SEMA3A: variants seen among roughly 807,000 people sequenced by gnomAD.
The protein encoded by SEMA3A is semaphorin-3A.
SEMA3A carries 29 observed loss-of-function variants against 97.9 expected under a neutral mutation model. The observed-to-expected ratio is 0.30, with a 90% CI of 0.22 to 0.40. The LOEUF is 0.40. Ranked by LOEUF, SEMA3A falls within the 10% of genes least tolerant of loss-of-function variation. The pLI is 1.00. For missense variants in SEMA3A, 763 were observed against 951.3 expected (o/e 0.80, Z 2.60); for synonymous variants, 321 against 323.7 (o/e 0.99, Z 0.09).
At chr7:84,060,739 C>A (rs931309552) in intron 4 of SEMA3A, among the ~76,000 whole-genome samples, 181 bp from the exon 5 acceptor site, 5 of 152,090 alleles carry the variant, frequency 3.3e-5, no homozygotes, top group Admixed American at 3.3e-4. Context: ...GTAATACTAG[C>A]CAAATATCTA....
At chr7:84,055,284 C>T (rs1319539578) in intron 5 of SEMA3A, among the ~76,000 whole-genome samples, 1 of 152,184 alleles carries the variant, frequency 6.6e-6, no homozygotes, top group East Asian at 1.9e-4. Context: ...TGGGCAATGG[C>T]GGGCGCCCCT....
intron 6 of SEMA3A, among the ~76,000 whole-genome samples, chr7:84,027,836 T>C (rs200447187): frequency 7.2e-6 from 1 of 138,096 alleles, no homozygotes; most frequent in Non-Finnish European, 1.7e-5. Flanking sequence ...ATAAAGATAA[T>C]AGAGCTGATA....
chr7:84,463,555 G>A (rs995251361), intron 1 of SEMA3A, among the ~76,000 whole-genome samples: 13 of 151,766 alleles, frequency 8.6e-5, no homozygotes, highest in African/African-American at 3.1e-4. Flanking sequence ...GCGTTTTTTT[G>A]TAACTATTTA....
At chr7:84,330,709 T>C (rs1031052954) in intron 2 of SEMA3A, among the ~76,000 whole-genome samples, 1 of 152,114 alleles carries the variant, frequency 6.6e-6, no homozygotes, top group Non-Finnish European at 1.5e-5. Flanking sequence ...TTTTTTTGCA[T>C]GCTTACATGA....
chr7:83,980,604 A>AAAAAAAAAAAAAAAC (rs1491210034), intron 14 of SEMA3A, among the ~76,000 whole-genome samples: 5 of 35,858 alleles, frequency 1.4e-4, no homozygotes, highest in Admixed American at 7.3e-4. Flanking sequence ...ACTCCATCTC[A>AAAAAAAAAAAAAAAC]AAAAAAAAAA....
At chr7:83,979,962 G>GA (rs1424532485) in intron 14 of SEMA3A, among the ~76,000 whole-genome samples, 1 of 151,778 alleles carries the variant, frequency 6.6e-6, no homozygotes, top group African/African-American at 2.4e-5. Context: ...TAGCTTCTTT[G>GA]AAAAAAATAG....
intron 1 of SEMA3A, among the ~76,000 whole-genome samples, chr7:84,393,805 A>T (rs1803653898): frequency 1.3e-5 from 2 of 152,106 alleles, no homozygotes; most frequent in African/African-American, 4.8e-5. Context: ...ATGAAAAATG[A>T]GTAAGGTTGT....
chr7:84,018,378 TAA>T (rs1176674779), intron 6 of SEMA3A, among the ~76,000 whole-genome samples: 1 of 152,210 alleles, frequency 6.6e-6, no homozygotes, highest in Non-Finnish European at 1.5e-5. Context: ...ATTTATAAAA[TAA>T]GTGTTAAGCA....
intron 1 of SEMA3A, among the ~76,000 whole-genome samples, chr7:84,474,067 CTCTT>C (rs1356350746): frequency 6.6e-6 from 1 of 152,142 alleles, no homozygotes; most frequent in Admixed American, 6.6e-5. Context: ...AGAATCCTAA[CTCTT>C]TCAATTTTCT....
At chr7:84,253,278 A>C (rs1356496297) in intron 3 of SEMA3A, among the ~76,000 whole-genome samples, 1 of 152,122 alleles carries the variant, frequency 6.6e-6, no homozygotes, top group African/African-American at 2.4e-5. Flanking sequence ...TTTCCTGGGC[A>C]TCTACCTTGA....
chr7:84,441,025 G>A (rs1009014005), intron 1 of SEMA3A, among the ~76,000 whole-genome samples: 1 of 152,072 alleles, frequency 6.6e-6, no homozygotes, highest in African/African-American at 2.4e-5. Flanking sequence ...GGGCGTCGGG[G>A]CGCATGCCTG....
chr7:83,998,694 T>C (rs1363758399), intron 12 of SEMA3A, among the ~76,000 whole-genome samples: 1 of 151,934 alleles, frequency 6.6e-6, no homozygotes. Flanking sequence ...AACATTTAGC[T>C]TAAAACACAT....
chr7:84,055,319 A>G (rs1583885003), intron 5 of SEMA3A, among the ~76,000 whole-genome samples: 1 of 152,094 alleles, frequency 6.6e-6, no homozygotes, highest in Non-Finnish European at 1.5e-5. Flanking sequence ...GCGGCCTTGC[A>G]GTTTGATCTC....
At chr7:84,304,014 T>C (rs1432333147) in intron 3 of SEMA3A, among the ~76,000 whole-genome samples, 1 of 152,136 alleles carries the variant, frequency 6.6e-6, no homozygotes, top group Non-Finnish European at 1.5e-5. Context: ...TCACTGGCCA[T>C]ATTTCCATAC....
intron 3 of SEMA3A, among the ~76,000 whole-genome samples, chr7:84,266,987 TC>T (rs899018136): frequency 6.6e-6 from 1 of 152,156 alleles, no homozygotes; most frequent in African/African-American, 2.4e-5. Context: ...ATGTATAAAA[TC>T]AATTTCACTT....
At chr7:84,205,132 C>CT (rs1798457655) in intron 3 of SEMA3A, among the ~76,000 whole-genome samples, 1 of 152,178 alleles carries the variant, frequency 6.6e-6, no homozygotes, top group African/African-American at 2.4e-5. Context: ...TCATAGTTAA[C>CT]TTTAGGAAGC....
intron 6 of SEMA3A, among the ~76,000 whole-genome samples, chr7:84,033,163 C>T (rs1791819613): frequency 6.6e-6 from 1 of 152,046 alleles, no homozygotes; most frequent in Non-Finnish European, 1.5e-5. Context: ...TCATAATAAC[C>T]TCTTCTGAAA....
intron 1 of SEMA3A, among the ~76,000 whole-genome samples, 165 bp from the exon 2 acceptor site, chr7:84,135,116 C>CT (rs34940395): frequency 0.015 from 1,975 of 133,736 alleles, 26 homozygotes; most frequent in African/African-American, 0.03. Context: ...GTGCATTTTA[C>CT]TTTTTTTTTT....
At chr7:84,380,820 T>G (rs1299579622) in intron 1 of SEMA3A, among the ~76,000 whole-genome samples, 2 of 152,146 alleles carry the variant, frequency 1.3e-5, no homozygotes, top group Non-Finnish European at 2.9e-5. Context: ...ACCCTTAACT[T>G]TCAGAGTCAG....
Sources: gnomAD v4.1 joint callset for allele counts (sites outside exome capture counted in the v4.1 genomes callset) on GRCh38, gnomAD v4.1.1 for gene constraint, MANE v1.5 for transcripts, NCBI Gene and HGNC (gene_info 2026-07-23, HGNC 2026-07-21) for gene names.